KCNH8: variants seen among roughly 807,000 people sequenced by gnomAD.
The protein encoded by KCNH8 is potassium voltage-gated channel subfamily H member 8.
KCNH8 carries 70 observed loss-of-function variants against 103.6 expected under a neutral mutation model. The observed-to-expected ratio is 0.68, with a 90% confidence interval of 0.56 to 0.82. The LOEUF is 0.82. Among genes scored for constraint, KCNH8 ranks in the 40% least tolerant of loss-of-function variants. The probability of loss-of-function intolerance (pLI) is 0.00; values close to 1 mark genes in which losing one functional copy is unlikely to be tolerated. For synonymous variants in KCNH8, 498 were observed against 489.4 expected, an observed-to-expected ratio of 1.02 and a Z score of -0.23; for missense variants, 1,217 against 1,329.9, an observed-to-expected ratio of 0.92 and a Z score of 1.32.
chr3:19,271,207 C>A (rs2064583061), intron 2 of KCNH8, among the ~76,000 whole-genome samples: 1 of 152,080 alleles, frequency 6.6e-6, no homozygotes, highest in Non-Finnish European at 1.5e-5. Context: ...GATTTGAGGT[C>A]TAGTCCCAAC....
intron 3 of KCNH8, among the ~76,000 whole-genome samples, chr3:19,290,690 A>T (rs1267970430): frequency 5.3e-5 from 8 of 152,058 alleles, no homozygotes; most frequent in Admixed American, 4.6e-4. Context: ...TTAATCAGGG[A>T]TATTGGTCTA....
chr3:19,501,482 A>T (rs1185529793), intron 11 of KCNH8, among the ~76,000 whole-genome samples: 1 of 152,220 alleles, frequency 6.6e-6, no homozygotes, highest in Non-Finnish European at 1.5e-5. Flanking sequence ...AAAAAAGAGA[A>T]TTTTAGACCA....
rs1232379968 is a variant in KCNH8, at chr3:19,175,225, T to TC, written c.76+26430_76+26431insC. Among the ~76,000 whole-genome samples the TC allele has an allele frequency of 2.7e-4, 40 of 150,836 alleles. 2 individuals are homozygous for TC. In the East Asian group the frequency reaches 3.3e-3, roughly 12 times the overall value. On this transcript the variant is annotated intron_variant, in intron 1 of 15. Transcript: ENST00000328405. The stretch of plus-strand genomic sequence containing the variant: ...TGCACAATAACTGTTTTGTAATTTT[T>TC]TTTTTTTTTTTTTTGAGACGGAGTC...
chr3:19,459,072 A>G (rs2067579579), intron 11 of KCNH8, among the ~76,000 whole-genome samples: 1 of 152,046 alleles, frequency 6.6e-6, no homozygotes, highest in Non-Finnish European at 1.5e-5. Context: ...GAGTGCATAT[A>G]TCTCTTTAAG....
intron 3 of KCNH8, among the ~76,000 whole-genome samples, chr3:19,287,811 T>C (rs2064853885): frequency 1.3e-5 from 2 of 150,836 alleles, no homozygotes. Flanking sequence ...GTCTCGATCT[T>C]GTGACCTCGT....
chr3:19,523,005 A>G (rs2068999327), intron 15 of KCNH8, among the ~76,000 whole-genome samples: 1 of 151,812 alleles, frequency 6.6e-6, no homozygotes, highest in Admixed American at 6.6e-5. Flanking sequence ...GCTGAGTTCA[A>G]TTACTGAGGC....
intron 5 of KCNH8, among the ~76,000 whole-genome samples, chr3:19,369,409 T>C (rs1478081939): frequency 6.6e-6 from 1 of 151,850 alleles, no homozygotes; most frequent in Non-Finnish European, 1.5e-5. Flanking sequence ...CTCCTGTCCC[T>C]TTTCCTGTAT....
chr3:19,169,667 C>A (rs978654686), intron 1 of KCNH8, among the ~76,000 whole-genome samples: 2 of 152,124 alleles, frequency 1.3e-5, no homozygotes, highest in African/African-American at 4.8e-5. Context: ...CCCTTTGGAC[C>A]CTGGAGGCAT....
intron 5 of KCNH8, among the ~76,000 whole-genome samples, chr3:19,375,494 G>A (rs1260016810): frequency 1.3e-5 from 2 of 150,004 alleles, no homozygotes; most frequent in Non-Finnish European, 3.0e-5. Context: ...GGTTATTCTA[G>A]TTATACATTC....
chr3:19,173,836 A>G (rs907921636), intron 1 of KCNH8, among the ~76,000 whole-genome samples: 1 of 152,022 alleles, frequency 6.6e-6, no homozygotes, highest in Non-Finnish European at 1.5e-5. Context: ...CTCAAAGTAA[A>G]TAATTCTCTT....
chr3:19,180,944 CT>C (rs1402387776), intron 1 of KCNH8, among the ~76,000 whole-genome samples: 1 of 151,954 alleles, frequency 6.6e-6, no homozygotes, highest in Non-Finnish European at 1.5e-5. Flanking sequence ...AAATTAAATT[CT>C]TTTGGTAGAC....
chr3:19,395,292 C>T lies in KCNH8; in HGVS notation c.1158C>T (p.Ser386=). Residue 386 remains serine, a synonymous_variant, in exon 7 of 16, where the codon AGC becomes AGT. Coordinates refer to ENST00000328405, the MANE Select transcript of KCNH8 (RefSeq NM_144633.3). ...VIGKMEREDN[S]LLKWEVGWLH... is the part of the protein sequence containing the mutation. ...GAAAAATGGAGAGGGAAGACAACAG[C>T]CTTCTGAAGTGGGAAGTTGGTAAGG... 1 of 1,609,906 alleles carries T rather than the reference C, an allele frequency of 6.2e-7. No individual in the cohort carries two copies. Among genetic ancestry groups the T allele is most frequent in the Non-Finnish European group, 8.5e-7 (1 of 1,177,864 alleles).
intron 1 of KCNH8, among the ~76,000 whole-genome samples, chr3:19,253,449 A>C (rs1201112536): frequency 2.0e-5 from 3 of 151,942 alleles, no homozygotes; most frequent in Non-Finnish European, 4.4e-5. Flanking sequence ...TGTGTTTCAA[A>C]ATGCAAGCCT....
At chr3:19,477,238 C>T (rs1278259787) in intron 11 of KCNH8, among the ~76,000 whole-genome samples, 1 of 151,940 alleles carries the variant, frequency 6.6e-6, no homozygotes, top group East Asian at 1.9e-4. Flanking sequence ...TAATCATCAC[C>T]CAGCTAAATG....
intron 11 of KCNH8, among the ~76,000 whole-genome samples, chr3:19,460,177 G>T (rs888374820): frequency 6.6e-6 from 1 of 152,042 alleles, no homozygotes; most frequent in Admixed American, 6.6e-5. Flanking sequence ...TGTTAAGGTG[G>T]CATATTTCAA....
chr3:19,488,303 A>C (rs1382131891), intron 11 of KCNH8, among the ~76,000 whole-genome samples: 1 of 152,088 alleles, frequency 6.6e-6, no homozygotes, highest in Non-Finnish European at 1.5e-5. Context: ...AATTCCCTTA[A>C]TGGCCGCGGC....
intron 11 of KCNH8, among the ~76,000 whole-genome samples, chr3:19,508,234 G>A (rs2068729194): frequency 6.6e-6 from 1 of 152,082 alleles, no homozygotes; most frequent in South Asian, 2.1e-4. Flanking sequence ...CCAGATTTTG[G>A]TACTAGGCTT....
chr3:19,435,968 GTAAAA>G (rs2067193332), intron 7 of KCNH8, among the ~76,000 whole-genome samples: 2 of 152,032 alleles, frequency 1.3e-5, no homozygotes, highest in South Asian at 4.1e-4. Context: ...AATCTAAAGA[GTAAAA>G]TAATAAACTC....
chr3:19,428,261 A>G (rs980457175), intron 7 of KCNH8, among the ~76,000 whole-genome samples: 1 of 152,224 alleles, frequency 6.6e-6, no homozygotes, highest in African/African-American at 2.4e-5. Context: ...TACTATTTTT[A>G]TCATAGGGAA....
Sources: allele counts gnomAD v4.1 joint callset (sites outside exome capture counted in the v4.1 genomes callset), GRCh38; gene constraint gnomAD v4.1.1; transcripts MANE v1.5; gene names NCBI Gene and HGNC (gene_info 2026-07-23, HGNC 2026-07-21).